The following USP34 variants were observed in gnomAD, a reference collection of about 807,000 sequenced individuals.
The protein encoded by USP34 is ubiquitin specific peptidase 34.
A neutral mutation model predicts 460.3 loss-of-function variants in USP34; 70 were observed. That is an observed-to-expected ratio of 0.15 (90% confidence interval 0.13 to 0.19). USP34 has a LOEUF of 0.19. Ranked by LOEUF, USP34 falls within the 10% of genes least tolerant of loss-of-function variation. The pLI, the probability that USP34 is intolerant of heterozygous loss-of-function variation, is 1.00. For missense variants in USP34, 3,985 were observed against 4,236.2 expected, an observed-to-expected ratio of 0.94 and a Z score of 1.65; for synonymous variants, 1,647 against 1,405.3, an observed-to-expected ratio of 1.17 and a Z score of -3.85.
At chr2:61,235,590 C>T (rs1181701692) in intron 57 of USP34, among the ~76,000 whole-genome samples, 4 of 152,074 alleles carry the variant, frequency 2.6e-5, no homozygotes, top group Non-Finnish European at 4.4e-5. Context: ...TCCTAAGGTG[C>T]TGGGGTTACA....
chr2:61,217,100 T>C (rs992466121), intron 67 of USP34, among the ~76,000 whole-genome samples: 2 of 152,182 alleles, frequency 1.3e-5, no homozygotes, highest in African/African-American at 4.8e-5. Context: ...ACCTCTTCTT[T>C]TCCTATAAAA....
In USP34 at chr2:61,192,913, T is replaced by C. The variant is rs372151309; in HGVS notation, c.9576A>G (p.Leu3192=). Residue 3192 remains leucine, a synonymous_variant, in exon 76 of 80, where the codon CTA becomes CTG. Transcript: ENST00000398571. ...TCATTTTCTTTACCTGAGTCTGGCATAGCTCAGTCCAAAGTTTGGGGAACA... is the reference window on the plus strand; with the variant it reads ...TCATTTTCTTTACCTGAGTCTGGCACAGCTCAGTCCAAAGTTTGGGGAACA... ...LALFPKLWTE[L]CQTQSAMSKN... 16 of 1,613,692 alleles carry C rather than the reference T, an allele frequency of 9.9e-6. No homozygotes were observed. In the African/African-American group the frequency reaches 2.1e-4, roughly 22 times the overall value.
Position 61,188,232 on chromosome 2 carries a change from C to G in USP34, c.10511G>C (p.Cys3504Ser), listed in dbSNP as rs1686501956. The change falls in exon 80 of 80, where the codon TGT (cysteine) becomes TCT (serine). Residue 3504 changes from cysteine (C) to serine (S), a missense_variant. This residue lies in a region of USP34 where 506 missense variants were observed against 439.0 expected (regional missense o/e 1.15). Transcript: ENST00000398571. The stretch of plus-strand genomic sequence containing the variant: ...ACTAAAGAGTCCTCTGGAATGGCCA[C>G]AACTGAGAGATAAAGCAACCTCAGG... ...QDPEVALSLS[C>S]GHSRGLFSHM... The G allele has an allele frequency of 6.2e-7, 1 of 1,614,028 alleles. No homozygotes were observed. The highest frequency in any genetic ancestry group is 8.5e-7 in the Non-Finnish European group (1 of 1,180,048).
chr2:61,442,362 G>T (rs1002249997), intron 1 of USP34, among the ~76,000 whole-genome samples: 1 of 148,676 alleles, frequency 6.7e-6, no homozygotes, highest in Non-Finnish European at 1.5e-5. Flanking sequence ...TCATCTGAGG[G>T]GATTAACATC....
At chr2:61,382,494 A>G (rs1693003030) in intron 6 of USP34, among the ~76,000 whole-genome samples, 1 of 152,182 alleles carries the variant, frequency 6.6e-6, no homozygotes, top group Non-Finnish European at 1.5e-5. Context: ...GAAAGGCCCC[A>G]TACTCCCTCT....
At chr2:61,399,856 G>C (rs1249014119) in intron 3 of USP34, among the ~76,000 whole-genome samples, 1 of 107,940 alleles carries the variant, frequency 9.3e-6, no homozygotes, top group Non-Finnish European at 1.8e-5. Flanking sequence ...CTCGGCAACA[G>C]TGCGAGACAC....
At chr2:61,292,782 C>T (rs1689899879) in intron 33 of USP34, among the ~76,000 whole-genome samples, 2 of 151,956 alleles carry the variant, frequency 1.3e-5, no homozygotes, top group Admixed American at 1.3e-4. Flanking sequence ...TGAAACTGGC[C>T]TGGGCAGTTT....
intron 5 of USP34, 38 bp downstream of exon 5, chr2:61,394,815 T>C (rs1306867920): frequency 6.9e-7 from 1 of 1,443,746 alleles, no homozygotes; most frequent in African/African-American, 1.5e-5. Context: ...TGCTAGACAT[T>C]GCTCCCAAAA....
At chr2:61,429,587 A>G (rs1434337024) in intron 1 of USP34, among the ~76,000 whole-genome samples, 1 of 152,214 alleles carries the variant, frequency 6.6e-6, no homozygotes, top group Admixed American at 6.5e-5. Flanking sequence ...TAATGGCACC[A>G]CATGACAGGT....
intron 71 of USP34, 109 bp from the exon 72 acceptor site, chr2:61,206,233 C>A: frequency 1.2e-6 from 1 of 851,800 alleles, no homozygotes; most frequent in Non-Finnish European, 1.9e-6. Context: ...AGGTTAATTA[C>A]AAAAACATCT....
intron 21 of USP34, among the ~76,000 whole-genome samples, chr2:61,321,830 G>C (rs566719338): frequency 1.6e-4 from 25 of 152,216 alleles, no homozygotes; most frequent in East Asian, 5.8e-4. Context: ...AAAAATTGAG[G>C]AATCAGTGGT....
chr2:61,240,004 CCTT>C (rs1215733800), intron 53 of USP34, among the ~76,000 whole-genome samples: 2 of 104,352 alleles, frequency 1.9e-5, no homozygotes, highest in Non-Finnish European at 4.0e-5. Context: ...GAGCGAGACT[CCTT>C]CTCAAAAAAA....
chr2:61,400,719 C>T (rs1478541741), intron 3 of USP34, among the ~76,000 whole-genome samples: 2 of 152,016 alleles, frequency 1.3e-5, no homozygotes, highest in Non-Finnish European at 2.9e-5. Flanking sequence ...GGCATGGTGG[C>T]ATGCACCTGT....
Position 61,222,654 on chromosome 2 carries a change from T to C in USP34, c.7759A>G (p.Met2587Val), listed in dbSNP as rs1296980453. ...NNRLAEHIVS[M>V]LFTSIAKLTP... ...AACTTTGCTATTGATGTGAAAAGCA[T>C]AGATACAATCTAAAACAGAAAGAGG... Residue 2587 changes from methionine to valine, a missense_variant, in exon 65 of 80, where the codon ATG becomes GTG. By Grantham distance (21) the Met-to-Val change is conservative. This residue lies in a region of USP34 where 604 missense variants were observed against 684.8 expected (regional missense o/e 0.88). Coordinates refer to ENST00000398571, the MANE Select transcript of USP34 (RefSeq NM_014709.4). 10 of 1,611,956 alleles carry C rather than the reference T, an allele frequency of 6.2e-6. No individual in the cohort carries two copies. The highest frequency in any genetic ancestry group is 1.7e-5 in the Admixed American group (1 of 59,890).
intron 1 of USP34, among the ~76,000 whole-genome samples, chr2:61,465,525 C>T (rs2104115284): frequency 6.6e-6 from 1 of 152,310 alleles, no homozygotes; most frequent in East Asian, 1.9e-4. Flanking sequence ...ACTACCCACA[C>T]TTGTGTCTAC....
chr2:61,261,308 T>C (rs930431706), intron 43 of USP34, among the ~76,000 whole-genome samples: 8 of 152,280 alleles, frequency 5.3e-5, no homozygotes, highest in African/African-American at 1.9e-4. Context: ...ATACAATAAA[T>C]TATAATTCAG....
intron 41 of USP34, among the ~76,000 whole-genome samples, chr2:61,266,906 C>A (rs1689065768): frequency 6.6e-6 from 1 of 152,164 alleles, no homozygotes; most frequent in Non-Finnish European, 1.5e-5. Context: ...AACAGTGGCT[C>A]ACTGTGCCTA....
intron 68 of USP34, among the ~76,000 whole-genome samples, chr2:61,212,552 G>A (rs1185941228): frequency 6.6e-6 from 1 of 152,116 alleles, no homozygotes; most frequent in Non-Finnish European, 1.5e-5. Context: ...TGAATAAAAA[G>A]TAAAAACAAA....
chr2:61,440,576 G>A (rs947204067), intron 1 of USP34, among the ~76,000 whole-genome samples: 2 of 149,454 alleles, frequency 1.3e-5, no homozygotes, highest in African/African-American at 2.5e-5. Context: ...GGAATGCAGT[G>A]GCACAATCTC....
Sources: gnomAD v4.1 joint callset for allele counts (sites outside exome capture counted in the v4.1 genomes callset) on GRCh38, gnomAD v4.1.1 for gene constraint, gnomAD v4.1.1 regional missense constraint, MANE v1.5 for transcripts, NCBI Gene and HGNC (gene_info 2026-07-23, HGNC 2026-07-21) for gene names.